Variants in TTF2 observed in about 807,000 individuals in gnomAD.
The protein encoded by TTF2 is transcription termination factor 2.
In TTF2, 108 loss-of-function variants were observed where a neutral mutation model predicts 142.4. The ratio of observed to expected loss-of-function variants is 0.76; its 90% CI spans 0.65 to 0.89. The LOEUF is 0.89. Among genes scored for constraint, TTF2 ranks in the 40% least tolerant of loss-of-function variants. The pLI is 0.00. For synonymous variants in TTF2, 483 were observed against 506.2 expected (o/e 0.95, Z 0.61); for missense variants, 1,327 against 1,379.8 (o/e 0.96, Z 0.61).
rs1175192816 is a variant in TTF2 at position 117,097,923 on chromosome 1, C to T, written c.3269+490C>T. On this transcript the variant is annotated intron_variant, in intron 21 of 22. Coordinates refer to ENST00000369466, the MANE Select transcript of TTF2 (RefSeq NM_003594.4). The surrounding 1 kb of genome is among the most constrained non-coding windows in gnomAD (Gnocchi z 4.1). ...GATTCATTGTATGTAGTGTTAATAC[C>T]AGGAGTACAACCACATCTTTCGTGG... Among the ~76,000 whole-genome samples the T allele has an allele frequency of 6.6e-6, 1 of 152,106 alleles. No homozygotes were observed. Among genetic ancestry groups the T allele is most frequent in the East Asian group, 1.9e-4 (1 of 5,196 alleles).
intron 3 of TTF2, among the ~76,000 whole-genome samples, chr1:117,072,099 C>T (rs1443751913): frequency 6.6e-6 from 1 of 152,132 alleles, no homozygotes; most frequent in Non-Finnish European, 1.5e-5. Flanking sequence ...CTGGAGGGTG[C>T]ATGGCTTAGT....
intron 7 of TTF2, among the ~76,000 whole-genome samples, chr1:117,077,618 A>G (rs1657123008): frequency 6.6e-6 from 1 of 152,158 alleles, no homozygotes; most frequent in Non-Finnish European, 1.5e-5. Flanking sequence ...GCAACTTTGA[A>G]TTCAGAGGTA....
In TTF2 at chr1:117,090,704, T is replaced by G; in HGVS notation, c.2588+81T>G. On this transcript the variant is annotated intron_variant, in intron 15 of 22. Transcript: ENST00000369466. The surrounding 1 kb of genome is among the most constrained non-coding windows in gnomAD (Gnocchi z 4.8). The stretch of plus-strand genomic sequence containing the variant: ...TTGGGAGTGAGTTGAAGGTCAAATT[T>G]CCACAAACTTTATGGCATTATTGAT... 1 of 1,208,246 alleles carries G rather than the reference T, an allele frequency of 8.3e-7. No individual in the cohort carries two copies. Among genetic ancestry groups the G allele is most frequent in the South Asian group, 1.3e-5 (1 of 75,334 alleles). 74.8% of individuals were successfully genotyped at this position (1,208,246 alleles called of 1,614,324 possible).
In TTF2 at chr1:117,097,206, T is replaced by TAAA; in HGVS notation, c.3187-136_3187-134dup. ...GACATGGGAGATAGCATTATAATGT[T>TAAA]AAAAAAAAAAACAATTTATAACAGC... On this transcript the variant is annotated intron_variant, in intron 20 of 22. Transcript: ENST00000369466. The surrounding 1 kb of genome is among the most constrained non-coding windows in gnomAD (Gnocchi z 4.1). 5.1e-6 allele frequency: 3 copies of TAAA among 593,792 alleles called. No homozygotes were observed. The highest frequency in any genetic ancestry group is 3.3e-5 in the East Asian group (1 of 30,420). 36.8% of individuals were successfully genotyped at this position (593,792 alleles called of 1,614,324 possible). A position where few individuals can be genotyped will look rare whatever the true frequency, so the allele number is the denominator to read the frequency against.
At position 117,068,629 on chromosome 1, in the gene TTF2, C is replaced by G. The variant is rs950328750; in HGVS notation, c.219-5032C>G. ...TTCAAAATATTTTACTTTTAATAAC[C>G]CTTGAAACTTCACATGTCTAGAAAA... On this transcript the variant is annotated intron_variant, in intron 3 of 22. Transcript: ENST00000369466. Among the ~76,000 whole-genome samples, 8 of 151,934 alleles carry G rather than the reference C, an allele frequency of 5.3e-5. 1 individual carries two copies. The South Asian group carries it at 6.2e-4, about 12-fold the overall frequency.
In TTF2 at chr1:117,093,994, C is replaced by T. The variant is rs572556730; in HGVS notation, c.2976+1093C>T. 1.8e-4 allele frequency among the ~76,000 whole-genome samples: 27 copies of T among 152,310 alleles called. No individual in the cohort carries two copies. The highest frequency in any genetic ancestry group is 4.3e-4 in the African/African-American group (18 of 41,564). ...TAGCTTTTTCATGTGGGAGTCACAG[C>T]GCCTTCCACAATCTCAAGTTGCCAA... On this transcript the variant is annotated intron_variant, in intron 18 of 22. Coordinates refer to ENST00000369466, the MANE Select transcript of TTF2 (RefSeq NM_003594.4). This position sits in a 1 kb window ranked among gnomAD's most constrained non-coding sequence, Gnocchi z 4.5.
intron 4 of TTF2, 53 bp from the exon 5 acceptor site, chr1:117,074,817 G>A: frequency 6.9e-7 from 1 of 1,439,954 alleles, no homozygotes; most frequent in Non-Finnish European, 9.2e-7. Flanking sequence ...AGGCATTCTA[G>A]ATACGAAGTT....
chr1:117,064,215 T>C (rs561262676), intron 3 of TTF2, among the ~76,000 whole-genome samples: 1 of 152,244 alleles, frequency 6.6e-6, no homozygotes, highest in East Asian at 1.9e-4. Context: ...TGGTGGCTCA[T>C]GCCTGTAATC....
At position 117,076,889 on chromosome 1, in the gene TTF2, A is replaced by C; in HGVS notation, c.1573+66A>C. 6.9e-7 allele frequency: 1 copy of C among 1,441,216 alleles called. No homozygotes were observed. The highest frequency in any genetic ancestry group is 9.4e-7 in the Non-Finnish European group (1 of 1,063,156). 89.3% of individuals were successfully genotyped at this position (1,441,216 alleles called of 1,614,324 possible). ...CTGTGAGTTACGTGCCACCCGGTAC[A>C]GTAGTCACCTCTTATCCACACTTTC... On this transcript the variant is annotated intron_variant, in intron 7 of 22. Transcript: ENST00000369466. The surrounding 1 kb of genome is among the most constrained non-coding windows in gnomAD (Gnocchi z 4.6).
intron 11 of TTF2, among the ~76,000 whole-genome samples, 188 bp downstream of exon 11, chr1:117,084,356 T>C (rs938611404): frequency 6.6e-6 from 1 of 152,216 alleles, no homozygotes; most frequent in African/African-American, 2.4e-5. Context: ...GATCTTTTGC[T>C]GTGTCCTTGT....
Position 117,087,942 on chromosome 1 carries a change from C to T in TTF2, c.2161-859C>T, listed in dbSNP as rs1648175669. On this transcript the variant is annotated intron_variant, in intron 12 of 22. Coordinates refer to ENST00000369466, the MANE Select transcript of TTF2 (RefSeq NM_003594.4). This position sits in a 1 kb window ranked among gnomAD's most constrained non-coding sequence, Gnocchi z 4.8. ...ATCCACTATGGGTCAGGTGCTGTTT[C>T]GTCAAGAGCAGCCAGATTCCCACTT... Among the ~76,000 whole-genome samples the T allele has an allele frequency of 1.3e-5, 2 of 152,196 alleles. No homozygotes were observed. Among genetic ancestry groups the T allele is most frequent in the Admixed American group, 1.3e-4 (2 of 15,284 alleles).
intron 2 of TTF2, among the ~76,000 whole-genome samples, chr1:117,061,643 T>G (rs1285344136): frequency 6.6e-6 from 1 of 152,202 alleles, no homozygotes; most frequent in African/African-American, 2.4e-5. Flanking sequence ...ATAGAAGCAT[T>G]TTTACCTTTG....
intron 9 of TTF2, among the ~76,000 whole-genome samples, chr1:117,081,173 C>T (rs577544821): frequency 2.0e-5 from 3 of 152,332 alleles, no homozygotes; most frequent in African/African-American, 7.2e-5. Flanking sequence ...TTTTTCTGGA[C>T]AGTAGCAGAG....
chr1:117,089,260 C>CTA (rs10524337), intron 13 of TTF2, among the ~76,000 whole-genome samples: 10,463 of 137,460 alleles, frequency 0.076, 851 homozygotes, highest in African/African-American at 0.17. Context: ...CAAATATATG[C>CTA]TATATATATA....
Position 117,086,344 on chromosome 1 carries a change from A to C in TTF2, c.2055-73A>C. On this transcript the variant is annotated intron_variant, in intron 11 of 22. Transcript: ENST00000369466. This position sits in a 1 kb window ranked among gnomAD's most constrained non-coding sequence, Gnocchi z 4.2. ...TCCATTTGTAGGCATTTTTATTGAA[A>C]GATCAACTCTGCCTCTCTCATTGTC... The C allele has an allele frequency of 8.9e-7, 1 of 1,121,922 alleles. No homozygotes were observed. The highest frequency in any genetic ancestry group is 1.3e-6 in the Non-Finnish European group (1 of 750,008). 69.5% of individuals were successfully genotyped at this position (1,121,922 alleles called of 1,614,324 possible). A position where few individuals can be genotyped will look rare whatever the true frequency, so the allele number is the denominator to read the frequency against.
In TTF2 at chr1:117,093,807, AG is replaced by A. The variant is rs1230520649; in HGVS notation, c.2976+908del. Among the ~76,000 whole-genome samples, 1 of 152,210 alleles carries A rather than the reference AG, an allele frequency of 6.6e-6. No homozygotes were observed. Among genetic ancestry groups the A allele is most frequent in the Admixed American group, 6.5e-5 (1 of 15,284 alleles). ...TTGTGTTCCTTGTTTAATTAAATGC[AG>A]GTAATATTTATTCACAAGTTTTCTT... On this transcript the variant is annotated intron_variant, in intron 18 of 22. Transcript: ENST00000369466. The surrounding 1 kb of genome is among the most constrained non-coding windows in gnomAD (Gnocchi z 4.5).
chr1:117,064,215 T>TGA (rs1267028123), intron 3 of TTF2, among the ~76,000 whole-genome samples: 4 of 152,126 alleles, frequency 2.6e-5, no homozygotes, highest in Non-Finnish European at 5.9e-5. Context: ...TGGTGGCTCA[T>TGA]GCCTGTAATC....
intron 10 of TTF2, among the ~76,000 whole-genome samples, chr1:117,083,323 C>G (rs1330970772): frequency 2.0e-5 from 3 of 152,030 alleles, no homozygotes; most frequent in Admixed American, 6.5e-5. Flanking sequence ...TCCTATATCC[C>G]TTTGTGTGTA....
Position 117,099,690 on chromosome 1 carries a change from C to T in TTF2, c.3344+783C>T, listed in dbSNP as rs546933957. Among the ~76,000 whole-genome samples, 67 of 152,312 alleles carry T rather than the reference C, an allele frequency of 4.4e-4. No individual in the cohort carries two copies. The highest frequency in any genetic ancestry group is 1.4e-3 in the African/African-American group (57 of 41,562). On this transcript the variant is annotated intron_variant, in intron 22 of 22. Coordinates refer to ENST00000369466, the MANE Select transcript of TTF2 (RefSeq NM_003594.4). The surrounding 1 kb of genome is among the most constrained non-coding windows in gnomAD (Gnocchi z 4.3). ...CTGCCAATCCCCTCTCACAATGGCC[C>T]TCTTTTTTGCCTTCCTTTTCATGAC...
Sources: allele counts gnomAD v4.1 joint callset (sites outside exome capture counted in the v4.1 genomes callset), GRCh38; gene constraint gnomAD v4.1.1; non-coding constraint Gnocchi (gnomAD v3.1); transcripts MANE v1.5; gene names NCBI Gene and HGNC (gene_info 2026-07-23, HGNC 2026-07-21).